The following NDRG3 variants were observed in gnomAD, a reference collection of about 807,000 sequenced individuals.
The protein encoded by NDRG3 is NDRG family member 3.
NDRG3 carries 23 observed loss-of-function variants against 57.2 expected under a neutral mutation model. That is an observed-to-expected ratio of 0.40 (90% CI 0.29 to 0.57). The LOEUF (loss-of-function observed/expected upper bound fraction) is 0.57, where lower values mean the gene tolerates loss of function less well. Ranked by LOEUF, NDRG3 falls within the 20% of genes least tolerant of loss-of-function variation. The pLI is 0.42. For missense variants in NDRG3, 384 were observed against 457.3 expected (o/e 0.84, Z 1.46); for synonymous variants, 132 against 162.6 (o/e 0.81, Z 1.43).
At position 36,652,839 on chromosome 20, in the gene NDRG3, T is replaced by A. The variant is rs777264955; in HGVS notation, c.*681A>T. The A allele has an allele frequency of 7.9e-5, 12 of 152,208 alleles. No individual in the cohort carries two copies. The highest frequency in any genetic ancestry group is 1.6e-4 in the Non-Finnish European group (11 of 68,040). 9.4% of individuals were successfully genotyped at this position (152,208 alleles called of 1,614,324 possible). ...ATGGGCTTCCAGCAGAATATATTCC[T>A]CCCTTTTATTTATAGAAGAGTATAC... On this transcript the variant is annotated 3_prime_UTR_variant, in exon 16 of 16. Transcript: ENST00000349004.
chr20:36,733,165 A>ATATATAT (rs1383552909), intron 1 of NDRG3, among the ~76,000 whole-genome samples: 8 of 44,472 alleles, frequency 1.8e-4, no homozygotes, highest in Admixed American at 2.7e-4. Flanking sequence ...AAAAAAAAAA[A>ATATATAT]AAAAAAATAT....
At chr20:36,732,215 C>T (rs1215402024) in intron 1 of NDRG3, among the ~76,000 whole-genome samples, 1 of 152,168 alleles carries the variant, frequency 6.6e-6, no homozygotes, top group East Asian at 1.9e-4. Flanking sequence ...GAGACACACA[C>T]TGGGAGGGGC....
rs1984601580 is a variant in NDRG3, at chr20:36,721,671, G to C, written c.57+8C>G. 1.3e-6 allele frequency: 2 copies of C among 1,578,220 alleles called. No individual in the cohort carries two copies. The highest frequency in any genetic ancestry group is 2.2e-5 in the East Asian group (1 of 44,676). On this transcript the variant is annotated splice_region_variant and intron_variant, in intron 2 of 15. Transcript: ENST00000349004. The stretch of plus-strand genomic sequence containing the variant: ...TCCATATTTTAGTGAAAACAGAAAA[G>C]TCTTTACCTTATCATTTAGAAGTGG...
intron 3 of NDRG3, among the ~76,000 whole-genome samples, chr20:36,690,360 T>C (rs535132886): frequency 6.7e-5 from 10 of 148,848 alleles, no homozygotes; most frequent in Admixed American, 4.0e-4. Flanking sequence ...AGGAACCCAA[T>C]AGAGCAGACA....
At chr20:36,686,874 T>G (rs1165869940) in intron 5 of NDRG3, among the ~76,000 whole-genome samples, 11 of 152,198 alleles carry the variant, frequency 7.2e-5, no homozygotes, top group Non-Finnish European at 1.5e-5. Flanking sequence ...AATGACAGGT[T>G]TTTTTGTTTG....
chr20:36,678,458 G>A (rs910850600), intron 8 of NDRG3, among the ~76,000 whole-genome samples: 4 of 152,106 alleles, frequency 2.6e-5, no homozygotes, highest in Non-Finnish European at 5.9e-5. Context: ...TGAGGTGGGT[G>A]GATCACGAGG....
intron 3 of NDRG3, 129 bp downstream of exon 3, chr20:36,706,843 A>G: frequency 1.4e-6 from 1 of 732,022 alleles, no homozygotes; most frequent in East Asian, 2.7e-5. Context: ...TGATCCAATG[A>G]CCAAACGAAC....
intron 3 of NDRG3, among the ~76,000 whole-genome samples, chr20:36,703,958 A>T (rs182069914): frequency 6.6e-6 from 1 of 152,340 alleles, no homozygotes; most frequent in Non-Finnish European, 1.5e-5. Flanking sequence ...CTCAAATGAC[A>T]TATGCCAAAA....
intron 1 of NDRG3, among the ~76,000 whole-genome samples, chr20:36,736,278 C>T (rs971231654): frequency 1.3e-5 from 2 of 152,200 alleles, no homozygotes; most frequent in African/African-American, 4.8e-5. Context: ...ATTGGGCTAA[C>T]GTAGGGCCTG....
chr20:36,682,049 T>C lies in NDRG3; in HGVS notation c.444+469A>G, dbSNP rs373960449. Reference sequence around the variant, plus strand: ...CAGTGATTATATTCACGATAGAAAATTTGATAAGCAGAGAAATTATAAAAA... The same window carrying C: ...CAGTGATTATATTCACGATAGAAAACTTGATAAGCAGAGAAATTATAAAAA... On this transcript the variant is annotated intron_variant, in intron 7 of 15. Transcript: ENST00000349004. 9.2e-5 allele frequency among the ~76,000 whole-genome samples: 14 copies of C among 152,308 alleles called. No individual in the cohort carries two copies. In the South Asian group the frequency reaches 2.7e-3, roughly 29 times the overall value.
chr20:36,707,517 G>A (rs1983616461), intron 2 of NDRG3, among the ~76,000 whole-genome samples: 1 of 152,126 alleles, frequency 6.6e-6, no homozygotes, highest in South Asian at 2.1e-4. Context: ...GAGAAGAAAG[G>A]CAGTGTTACT....
intron 5 of NDRG3, among the ~76,000 whole-genome samples, chr20:36,686,764 T>C (rs6129459): frequency 0.4 from 60,328 of 152,024 alleles, 13,069 homozygotes; most frequent in East Asian, 0.69. Context: ...AAATTTCCAT[T>C]ACTAGTTTGA....
At chr20:36,690,378 C>G (rs1600904567) in intron 3 of NDRG3, among the ~76,000 whole-genome samples, 1 of 151,096 alleles carries the variant, frequency 6.6e-6, no homozygotes, top group Non-Finnish European at 1.5e-5. Context: ...ACAAAAGATG[C>G]ACCGAGCAAA....
intron 2 of NDRG3, among the ~76,000 whole-genome samples, chr20:36,718,550 G>T (rs903846337): frequency 1.3e-5 from 2 of 152,192 alleles, no homozygotes; most frequent in Non-Finnish European, 2.9e-5. Flanking sequence ...TCTGAAGGCT[G>T]CAAAGTTCAA....
At chr20:36,699,841 C>T (rs1042519452) in intron 3 of NDRG3, among the ~76,000 whole-genome samples, 9 of 151,838 alleles carry the variant, frequency 5.9e-5, no homozygotes, top group African/African-American at 2.2e-4. Flanking sequence ...ATGAGGGAGG[C>T]CGGGCACGGT....
At chr20:36,702,288 C>G (rs930932795) in intron 3 of NDRG3, among the ~76,000 whole-genome samples, 1 of 152,026 alleles carries the variant, frequency 6.6e-6, no homozygotes, top group African/African-American at 2.4e-5. Context: ...AGGTGCCCGC[C>G]ACTATGCCGG....
rs141964568 is a variant in NDRG3, at chr20:36,712,661, T to C, written c.58-5654A>G. ...CCCAGGCTGGAGTGCAGCGGCATAATCTCCATTCACTGCAACCTCCGCCTG... is the reference window on the plus strand; with the variant it reads ...CCCAGGCTGGAGTGCAGCGGCATAACCTCCATTCACTGCAACCTCCGCCTG... On this transcript the variant is annotated intron_variant, in intron 2 of 15. Transcript: ENST00000349004. Among the ~76,000 whole-genome samples, 212 of 132,420 alleles carry C rather than the reference T, an allele frequency of 1.6e-3. 5 individuals carry two copies. In the East Asian group the frequency reaches 0.048, roughly 30 times the overall value. The allele number at this position is 132,420 out of a possible 152,430, so 86.9% of individuals were successfully genotyped here. A position where few individuals can be genotyped will look rare whatever the true frequency, so the allele number is the denominator to read the frequency against.
At chr20:36,681,319 G>C (rs999518903) in intron 7 of NDRG3, among the ~76,000 whole-genome samples, 1 of 151,784 alleles carries the variant, frequency 6.6e-6, no homozygotes, top group Non-Finnish European at 1.5e-5. Flanking sequence ...TCCTATCACT[G>C]AGGACGTATT....
At chr20:36,711,780 T>C (rs1983896424) in intron 2 of NDRG3, among the ~76,000 whole-genome samples, 1 of 152,204 alleles carries the variant, frequency 6.6e-6, no homozygotes. Context: ...AGCACTTGTT[T>C]TCCTGGCTGT....
Sources: gnomAD v4.1 joint callset for allele counts (sites outside exome capture counted in the v4.1 genomes callset) on GRCh38, gnomAD v4.1.1 for gene constraint, MANE v1.5 for transcripts, NCBI Gene and HGNC (gene_info 2026-07-23, HGNC 2026-07-21) for gene names.